FRMD6: variants seen among roughly 807,000 people sequenced by gnomAD.
The protein encoded by FRMD6 is FERM domain containing 6.
A neutral mutation model predicts 73.2 loss-of-function variants in FRMD6; 37 were observed. That is an observed-to-expected ratio of 0.51 (90% confidence interval 0.39 to 0.66). The LOEUF (loss-of-function observed/expected upper bound fraction) is 0.66, where lower values mean the gene tolerates loss of function less well. FRMD6 is among the 30% of genes least tolerant of loss of function. The pLI is 0.00. For synonymous variants in FRMD6, 273 were observed against 282.2 expected (o/e 0.97, Z 0.33); for missense variants, 714 against 780.5 (o/e 0.91, Z 1.02).
the FRMD6 span, among the ~76,000 whole-genome samples, chr14:51,412,028 TA>T: frequency 6.6e-6 from 1 of 152,196 alleles, no homozygotes; most frequent in African/African-American, 2.4e-5. Context: ...AGTAGTCTGT[TA>T]AAGTCTTCAC....
At chr14:51,405,020 T>TG in the FRMD6 span, among the ~76,000 whole-genome samples, 1 of 152,200 alleles carries the variant, frequency 6.6e-6, no homozygotes, top group Admixed American at 6.5e-5. Context: ...AGTGAGAACA[T>TG]GCGGTATTCG....
chr14:51,447,897 G>C, the FRMD6 span, among the ~76,000 whole-genome samples: 18 of 151,890 alleles, frequency 1.2e-4, no homozygotes, highest in Non-Finnish European at 2.4e-4. Context: ...TTTTCTTATT[G>C]CTTTGACGTC....
At chr14:51,482,557 C>A in the FRMD6 span, among the ~76,000 whole-genome samples, 1 of 152,100 alleles carries the variant, frequency 6.6e-6, no homozygotes, top group Non-Finnish European at 1.5e-5. Context: ...TAGTGAAATT[C>A]AGGAAAGCCG....
chr14:51,445,649 C>A, the FRMD6 span, among the ~76,000 whole-genome samples: 14 of 152,086 alleles, frequency 9.2e-5, no homozygotes, highest in African/African-American at 2.7e-4. Flanking sequence ...AGACACCTTA[C>A]AATATCAAAT....
chr14:51,515,818 G>T (rs553850152), intron 1 of FRMD6, among the ~76,000 whole-genome samples: 155 of 152,234 alleles, frequency 1.0e-3, no homozygotes, highest in African/African-American at 2.7e-3. Context: ...TCATTAACTC[G>T]GAGTACAATC....
At chr14:51,436,461 G>T in the FRMD6 span, 1 of 590,486 alleles carries the variant, frequency 1.7e-6, no homozygotes. Context: ...TTATTTTGAT[G>T]AAAATCCTTA....
At chr14:51,438,284 T>C in the FRMD6 span, among the ~76,000 whole-genome samples, 1 of 152,244 alleles carries the variant, frequency 6.6e-6, no homozygotes, top group Non-Finnish European at 1.5e-5. Flanking sequence ...GCAGAACCTG[T>C]AGGATCTTAT....
At chr14:51,569,507 CT>C (rs34661155) in intron 1 of FRMD6, among the ~76,000 whole-genome samples, 8,473 of 122,700 alleles carry the variant, frequency 0.069, 273 homozygotes, top group East Asian at 0.12. Flanking sequence ...TTCTTTCTTT[CT>C]TTTTTTTTTT....
At chr14:51,475,481 G>T in the FRMD6 span, among the ~76,000 whole-genome samples, 1 of 152,154 alleles carries the variant, frequency 6.6e-6, no homozygotes, top group Non-Finnish European at 1.5e-5. Context: ...GTTCTAGGAG[G>T]GCTGTGGCCA....
chr14:51,512,658 T>C (rs1382481102), intron 1 of FRMD6, among the ~76,000 whole-genome samples: 1 of 152,018 alleles, frequency 6.6e-6, no homozygotes, highest in Non-Finnish European at 1.5e-5. Context: ...AACTAAAGTC[T>C]GGGACACAGC....
the FRMD6 span, among the ~76,000 whole-genome samples, chr14:51,416,766 C>T: frequency 2.0e-5 from 3 of 152,084 alleles, no homozygotes; most frequent in Non-Finnish European, 2.9e-5. Flanking sequence ...TAAAGTCTCC[C>T]GTTATTATAG....
chr14:51,576,127 G>T (rs1888391171), intron 2 of FRMD6: 1 of 152,228 alleles, frequency 6.6e-6, no homozygotes, highest in South Asian at 2.1e-4. Context: ...ACAGGAAGAG[G>T]ATCTGAGACC....
the FRMD6 span, among the ~76,000 whole-genome samples, chr14:51,455,061 G>A: frequency 6.6e-6 from 1 of 152,206 alleles, no homozygotes. Flanking sequence ...TTGAGAGAGA[G>A]AGAGAGAGTG....
chr14:51,609,640 T>C (rs1332736201), intron 2 of FRMD6, among the ~76,000 whole-genome samples: 2 of 152,132 alleles, frequency 1.3e-5, no homozygotes, highest in Non-Finnish European at 2.9e-5. Flanking sequence ...ATAGCATGTT[T>C]GAGATGGGAT....
intron 1 of FRMD6, among the ~76,000 whole-genome samples, chr14:51,667,568 T>C (rs1485741152): frequency 6.6e-6 from 1 of 152,180 alleles, no homozygotes; most frequent in Non-Finnish European, 1.5e-5. Flanking sequence ...TTTGCATAGT[T>C]TAGTGACATA....
At chr14:51,558,350 C>G (rs190076178) in intron 1 of FRMD6, among the ~76,000 whole-genome samples, 1 of 152,038 alleles carries the variant, frequency 6.6e-6, no homozygotes, top group Non-Finnish European at 1.5e-5. Context: ...AGCCTGTAAT[C>G]CTAGCTACTC....
chr14:51,421,555 A>G, the FRMD6 span, among the ~76,000 whole-genome samples: 1 of 152,224 alleles, frequency 6.6e-6, no homozygotes, highest in African/African-American at 2.4e-5. Flanking sequence ...AACTTCCTGG[A>G]GGCAAATCAA....
the FRMD6 span, among the ~76,000 whole-genome samples, chr14:51,420,515 A>G: frequency 6.6e-6 from 1 of 152,234 alleles, no homozygotes; most frequent in Non-Finnish European, 1.5e-5. Context: ...AAAGAATGTT[A>G]GTACACTTGG....
chr14:51,525,989 C>T (rs73285053), intron 1 of FRMD6, among the ~76,000 whole-genome samples: 9,307 of 152,120 alleles, frequency 0.061, 608 homozygotes, highest in African/African-American at 0.16. Context: ...AGGAGGCATC[C>T]GGAAGGAGGC....
Sources: allele counts gnomAD v4.1 joint callset (sites outside exome capture counted in the v4.1 genomes callset), GRCh38; gene constraint gnomAD v4.1.1; transcripts MANE v1.5; gene names NCBI Gene and HGNC (gene_info 2026-07-23, HGNC 2026-07-21).